The following ADGRB3 variants were observed in gnomAD, a reference collection of about 807,000 sequenced individuals.
ADGRB3 encodes adhesion G protein-coupled receptor B3.
Under a neutral mutation model 193.4 loss-of-function variants are expected in ADGRB3, and 37 were observed. The observed-to-expected ratio is 0.19, with a 90% CI of 0.15 to 0.25. The LOEUF is 0.25. ADGRB3 is among the 10% of genes least tolerant of loss of function. The probability of loss-of-function intolerance (pLI) is 1.00; values close to 1 mark genes in which losing one functional copy is unlikely to be tolerated. For missense variants in ADGRB3, 1,637 were observed against 1,852.9 expected, an observed-to-expected ratio of 0.88 and a Z score of 2.14; for synonymous variants, 690 against 644.2, an observed-to-expected ratio of 1.07 and a Z score of -1.08.
intron 17 of ADGRB3, among the ~76,000 whole-genome samples, chr6:69,141,200 T>G (rs1283311076): frequency 1.3e-4 from 20 of 151,278 alleles, no homozygotes; most frequent in Admixed American, 6.6e-5. Flanking sequence ...CTCGGCTCAC[T>G]GCAAGCTCCG....
At chr6:69,376,957 A>G (rs1769837916) in intron 30 of ADGRB3, among the ~76,000 whole-genome samples, 1 of 152,096 alleles carries the variant, frequency 6.6e-6, no homozygotes, top group Non-Finnish European at 1.5e-5. Flanking sequence ...CAGACCCTGC[A>G]TCTAGTTTCT....
At position 68,854,534 on chromosome 6, in the gene ADGRB3, A is replaced by T. The variant is rs1156917009; in HGVS notation, c.758-76025A>T. 1.0e-4 allele frequency among the ~76,000 whole-genome samples: 15 copies of T among 149,058 alleles called. No individual in the cohort carries two copies. The Admixed American group carries it at 1.0e-3, about 10-fold the overall frequency. ...GTATATATAAATTTTAAAAATCTAA[A>T]AAATTTTTTTTTGGAAAAAAGCTTG... On this transcript the variant is annotated intron_variant, in intron 3 of 31. Transcript: ENST00000370598.
At chr6:68,659,256 T>C (rs1768564067) in intron 3 of ADGRB3, among the ~76,000 whole-genome samples, 1 of 150,824 alleles carries the variant, frequency 6.6e-6, no homozygotes, top group Non-Finnish European at 1.5e-5. Context: ...TTTGGGGATG[T>C]GACAGTTTCC....
rs1769402583 is a variant in ADGRB3 at position 68,996,967 on chromosome 6, G to A, written c.1929+3005G>A. On this transcript the variant is annotated intron_variant, in intron 11 of 31. Transcript: ENST00000370598. ...AACTTTTTTCATCCTTTTTCCAGTA[G>A]AAAATGATGAGAAAAGATAAAAGAG... 3.3e-5 allele frequency among the ~76,000 whole-genome samples: 5 copies of A among 151,972 alleles called. No individual in the cohort carries two copies. The South Asian group carries it at 1.0e-3, about 32-fold the overall frequency.
intron 3 of ADGRB3, among the ~76,000 whole-genome samples, chr6:68,791,650 T>A (rs1418044828): frequency 6.6e-6 from 1 of 152,190 alleles, no homozygotes; most frequent in Non-Finnish European, 1.5e-5. Flanking sequence ...ATGCCTCATT[T>A]GCCATATATG....
intron 20 of ADGRB3, among the ~76,000 whole-genome samples, chr6:69,309,138 T>C (rs1768127224): frequency 6.6e-6 from 1 of 151,744 alleles, no homozygotes; most frequent in South Asian, 2.1e-4. Flanking sequence ...ATTGATATTA[T>C]TTATAACAGA....
chr6:69,309,812 TCA>T (rs1288190063), intron 20 of ADGRB3, among the ~76,000 whole-genome samples: 1 of 151,638 alleles, frequency 6.6e-6, no homozygotes, highest in African/African-American at 2.4e-5. Context: ...CTGCCACGCT[TCA>T]CCTCTGAAGG....
At chr6:69,242,081 G>T (rs57565960) in intron 20 of ADGRB3, among the ~76,000 whole-genome samples, 378 of 151,802 alleles carry the variant, frequency 2.5e-3, no homozygotes, top group African/African-American at 8.5e-3. Flanking sequence ...TGAATTAGAT[G>T]GACTCTATTT....
intron 3 of ADGRB3, among the ~76,000 whole-genome samples, chr6:68,728,513 C>T (rs74535824): frequency 0.027 from 4,022 of 151,610 alleles, 166 homozygotes; most frequent in African/African-American, 0.091. Context: ...TAAAAACACT[C>T]GTGCACACAT....
intron 17 of ADGRB3, among the ~76,000 whole-genome samples, chr6:69,206,045 G>GTA (rs56741913): frequency 0.13 from 13,333 of 99,332 alleles, 951 homozygotes; most frequent in East Asian, 0.3. Flanking sequence ...TATAATAATG[G>GTA]TATATATATA....
At chr6:69,175,699 A>T (rs1561942709) in intron 17 of ADGRB3, among the ~76,000 whole-genome samples, 1 of 152,330 alleles carries the variant, frequency 6.6e-6, no homozygotes, top group East Asian at 1.9e-4. Flanking sequence ...CTTGATAGGA[A>T]TATCATTGAA....
intron 3 of ADGRB3, among the ~76,000 whole-genome samples, chr6:68,703,954 T>C (rs1765285273): frequency 2.0e-5 from 3 of 152,146 alleles, no homozygotes; most frequent in Non-Finnish European, 4.4e-5. Context: ...TTGATAGATG[T>C]TTCTGCAAAA....
Position 69,325,160 on chromosome 6 carries a change from A to T in ADGRB3, c.2965+138A>T. ...GGAAGTGAAAATACATGAGCTGGTCAGTTTTGAACATTCATTGGTCATTTG... is the reference window on the plus strand; with the variant it reads ...GGAAGTGAAAATACATGAGCTGGTCTGTTTTGAACATTCATTGGTCATTTG... On this transcript the variant is annotated intron_variant, in intron 21 of 31. Coordinates refer to ENST00000370598, the MANE Select transcript of ADGRB3 (RefSeq NM_001704.3). 3 of 1,125,658 alleles carry T rather than the reference A, an allele frequency of 2.7e-6. No homozygotes were observed. In the South Asian group the frequency reaches 5.1e-5, roughly 19 times the overall value. 69.7% of individuals were successfully genotyped at this position (1,125,658 alleles called of 1,614,324 possible).
chr6:68,990,547 C>T (rs775947107), intron 10 of ADGRB3, among the ~76,000 whole-genome samples: 24 of 152,088 alleles, frequency 1.6e-4, no homozygotes, highest in Non-Finnish European at 2.8e-4. Context: ...ATGGCAATGA[C>T]GTTAATTTAC....
chr6:69,184,603 G>A (rs1032210193), intron 17 of ADGRB3, among the ~76,000 whole-genome samples: 6 of 151,938 alleles, frequency 3.9e-5, no homozygotes, highest in Non-Finnish European at 7.4e-5. Flanking sequence ...AACTAGCTTA[G>A]CATTATTGCC....
rs529509365 is a variant in ADGRB3 at position 69,201,607 on chromosome 6, A to C, written c.2481-31683A>C. ...TTGATTCAAAATATCAAAAGTATAT[A>C]TTTTTATCTTCCTTATATGCCTGTG... is the stretch of plus-strand genomic sequence containing the variant. On this transcript the variant is annotated intron_variant, in intron 17 of 31. Transcript: ENST00000370598. 5.3e-5 allele frequency among the ~76,000 whole-genome samples: 8 copies of C among 152,126 alleles called. No individual in the cohort carries two copies. In the East Asian group the frequency reaches 1.6e-3, roughly 30 times the overall value.
At chr6:68,877,183 A>T (rs1055505659) in intron 3 of ADGRB3, among the ~76,000 whole-genome samples, 4 of 152,040 alleles carry the variant, frequency 2.6e-5, no homozygotes, top group African/African-American at 9.7e-5. Context: ...AGATAAATTT[A>T]TGTGTAAATT....
At chr6:69,248,437 T>C (rs1766544891) in intron 20 of ADGRB3, among the ~76,000 whole-genome samples, 1 of 152,158 alleles carries the variant, frequency 6.6e-6, no homozygotes, top group Non-Finnish European at 1.5e-5. Context: ...TCAGGGTGAA[T>C]ATGAGGTGAA....
chr6:69,261,332 A>G (rs1385058539), intron 20 of ADGRB3, among the ~76,000 whole-genome samples: 3 of 152,164 alleles, frequency 2.0e-5, no homozygotes, highest in Non-Finnish European at 2.9e-5. Flanking sequence ...TTATAAGCAG[A>G]ATGAAAAAAC....
Sources: gnomAD v4.1 joint callset for allele counts (sites outside exome capture counted in the v4.1 genomes callset) on GRCh38, gnomAD v4.1.1 for gene constraint, MANE v1.5 for transcripts, NCBI Gene and HGNC (gene_info 2026-07-23, HGNC 2026-07-21) for gene names.